WDR7: variants seen among roughly 807,000 people sequenced by gnomAD.
WDR7 encodes WD repeat-containing protein 7.
Under a neutral mutation model 169.4 loss-of-function variants are expected in WDR7, and 46 were observed. The observed-to-expected ratio is 0.27, with a 90% CI of 0.21 to 0.35. The LOEUF is 0.35. Among genes scored for constraint, WDR7 ranks in the 10% least tolerant of loss-of-function variants. The probability of loss-of-function intolerance (pLI) is 1.00; values close to 1 mark genes in which losing one functional copy is unlikely to be tolerated. For synonymous variants in WDR7, 612 were observed against 666.8 expected (o/e 0.92, Z 1.27); for missense variants, 1,534 against 1,859.3 (o/e 0.83, Z 3.22).
intron 21 of WDR7, among the ~76,000 whole-genome samples, chr18:56,892,590 T>C (rs765319116): frequency 6.6e-6 from 1 of 152,130 alleles, no homozygotes; most frequent in Non-Finnish European, 1.5e-5. Context: ...TTATTAATGG[T>C]TGTTTCATGC....
chr18:56,787,059 A>G (rs1266361420), intron 19 of WDR7, among the ~76,000 whole-genome samples: 6 of 152,134 alleles, frequency 3.9e-5, no homozygotes, highest in Non-Finnish European at 7.4e-5. Context: ...TTTGAAGTGA[A>G]GCTGTTTGGC....
intron 25 of WDR7, among the ~76,000 whole-genome samples, chr18:56,962,036 GTCTTCTCA>G (rs770051542): frequency 5.1e-4 from 77 of 152,192 alleles, no homozygotes; most frequent in Non-Finnish European, 8.8e-4. Context: ...GAATACGTAA[GTCTTCTCA>G]TCTTTTCCAT....
At chr18:56,900,712 A>G (rs1235336242) in intron 21 of WDR7, among the ~76,000 whole-genome samples, 1 of 152,090 alleles carries the variant, frequency 6.6e-6, no homozygotes, top group Non-Finnish European at 1.5e-5. Flanking sequence ...GCTGCCTGTG[A>G]GTGGAGGCAG....
intron 22 of WDR7, among the ~76,000 whole-genome samples, chr18:56,934,331 C>T (rs983359826): frequency 6.6e-6 from 1 of 152,128 alleles, no homozygotes; most frequent in African/African-American, 2.4e-5. Context: ...TGGCCAACTG[C>T]CCATCTTGCT....
At chr18:56,686,828 TA>T in intron 6 of WDR7, 26 bp from the exon 7 acceptor site, 1 of 1,436,088 alleles carries the variant, frequency 7.0e-7, no homozygotes, top group Non-Finnish European at 9.4e-7. Context: ...ATGCTATTCC[TA>T]AATTTTTACA....
intron 20 of WDR7, among the ~76,000 whole-genome samples, chr18:56,829,089 C>A (rs1234061535): frequency 6.7e-6 from 1 of 149,856 alleles, no homozygotes; most frequent in Non-Finnish European, 1.5e-5. Context: ...TCAAGATTAG[C>A]CCGCGGCAAC....
intron 20 of WDR7, among the ~76,000 whole-genome samples, chr18:56,841,561 GA>G (rs977047019): frequency 3.4e-5 from 5 of 149,142 alleles, no homozygotes; most frequent in African/African-American, 1.2e-4. Context: ...AAAAAAAAAA[GA>G]TACAACAATG....
chr18:56,971,401 A>C (rs1474568654), intron 26 of WDR7, among the ~76,000 whole-genome samples: 5 of 152,138 alleles, frequency 3.3e-5, no homozygotes, highest in Non-Finnish European at 2.9e-5. Context: ...TTTGTTTATA[A>C]AACAAACTTA....
intron 7 of WDR7, among the ~76,000 whole-genome samples, chr18:56,688,725 T>A (rs1237482705): frequency 3.3e-5 from 5 of 151,344 alleles, no homozygotes; most frequent in Non-Finnish European, 7.4e-5. Context: ...CAAGACTCTG[T>A]CTTGGGGAAA....
intron 7 of WDR7, among the ~76,000 whole-genome samples, chr18:56,689,325 A>G (rs2025514723): frequency 6.6e-6 from 1 of 152,160 alleles, no homozygotes; most frequent in South Asian, 2.1e-4. Flanking sequence ...CAATGGTGCA[A>G]TCTCGGCTCA....
At chr18:56,659,338 A>G (rs973401518) in intron 1 of WDR7, among the ~76,000 whole-genome samples, 5 of 152,198 alleles carry the variant, frequency 3.3e-5, no homozygotes, top group African/African-American at 1.2e-4. Context: ...GTGCAACTTT[A>G]CTTAAACCAA....
At chr18:57,013,493 G>T (rs1226151383) in intron 26 of WDR7, among the ~76,000 whole-genome samples, 1 of 152,130 alleles carries the variant, frequency 6.6e-6, no homozygotes, top group Non-Finnish European at 1.5e-5. Flanking sequence ...TACGTTATAT[G>T]ATGCAATTTT....
intron 26 of WDR7, among the ~76,000 whole-genome samples, chr18:56,981,767 A>G (rs998193980): frequency 6.6e-6 from 1 of 152,178 alleles, no homozygotes; most frequent in African/African-American, 2.4e-5. Context: ...TAGTGAGGTA[A>G]AGGCCTGGCA....
chr18:57,026,715 A>G (rs2048370930), intron 27 of WDR7, among the ~76,000 whole-genome samples: 1 of 152,180 alleles, frequency 6.6e-6, no homozygotes, highest in Admixed American at 6.5e-5. Flanking sequence ...GTCTAAATGA[A>G]CCATTTTATT....
chr18:56,715,624 A>G (rs1382398042), intron 12 of WDR7, among the ~76,000 whole-genome samples: 1 of 152,144 alleles, frequency 6.6e-6, no homozygotes, highest in Non-Finnish European at 1.5e-5. Flanking sequence ...GCTTGAGCCC[A>G]GGAGTTCAAG....
intron 20 of WDR7, among the ~76,000 whole-genome samples, chr18:56,870,225 C>A (rs1195193481): frequency 6.6e-6 from 1 of 152,042 alleles, no homozygotes; most frequent in African/African-American, 2.4e-5. Context: ...CTATTGTTAG[C>A]AAGCTATTTT....
intron 19 of WDR7, among the ~76,000 whole-genome samples, chr18:56,803,219 G>T (rs941728976): frequency 4.6e-5 from 7 of 152,182 alleles, no homozygotes; most frequent in Admixed American, 3.3e-4. Flanking sequence ...ACTGTGATAA[G>T]TTATTGGAAT....
At chr18:56,748,776 C>G (rs962598041) in intron 14 of WDR7, among the ~76,000 whole-genome samples, 43 of 152,020 alleles carry the variant, frequency 2.8e-4, no homozygotes, top group African/African-American at 8.5e-4. Flanking sequence ...TATATATTGT[C>G]TAATTCCAAC....
At position 56,679,360 on chromosome 18, in the gene WDR7, A is replaced by C. The variant is rs778239271; in HGVS notation, c.188A>C (p.His63Pro). The change falls in exon 3 of 28, where the codon CAT (histidine) becomes CCT (proline). Residue 63 changes from histidine (H) to proline (P), a missense_variant. Coordinates refer to ENST00000254442, the MANE Select transcript of WDR7 (RefSeq NM_015285.3). ...QINPRALLFG[H>P]TASITCLSKA... Reference sequence around the variant, plus strand: ...AATCCTCGAGCACTGTTGTTTGGTCATACAGCATCAATCACTTGTTTGTCT... The same window carrying C: ...AATCCTCGAGCACTGTTGTTTGGTCCTACAGCATCAATCACTTGTTTGTCT... 6.2e-7 allele frequency: 1 copy of C among 1,612,374 alleles called. No individual in the cohort carries two copies. The highest frequency in any genetic ancestry group is 1.3e-5 in the African/African-American group (1 of 74,928).
Sources: allele counts gnomAD v4.1 joint callset (sites outside exome capture counted in the v4.1 genomes callset), GRCh38; gene constraint gnomAD v4.1.1; transcripts MANE v1.5; gene names NCBI Gene and HGNC (gene_info 2026-07-23, HGNC 2026-07-21).